The following CDH5 variants were observed in gnomAD, a reference collection of about 807,000 sequenced individuals.
The protein encoded by CDH5 is cadherin-5.
A neutral mutation model predicts 62.0 loss-of-function variants in CDH5; 28 were observed. The ratio of observed to expected loss-of-function variants is 0.45; its 90% CI spans 0.33 to 0.62. The LOEUF is 0.62. Ranked by LOEUF, CDH5 falls within the 20% of genes least tolerant of loss-of-function variation. The pLI is 0.02. For synonymous variants in CDH5, 464 were observed against 445.8 expected, an observed-to-expected ratio of 1.04 and a Z score of -0.52; for missense variants, 940 against 1,065.1, an observed-to-expected ratio of 0.88 and a Z score of 1.63.
chr16:66,369,536 G>A (rs995774179), intron 1 of CDH5, among the ~76,000 whole-genome samples: 2 of 152,174 alleles, frequency 1.3e-5, no homozygotes, highest in African/African-American at 4.8e-5. Flanking sequence ...CAGCTGGGCA[G>A]GTTCAAATAG....
intron 7 of CDH5, among the ~76,000 whole-genome samples, chr16:66,394,306 C>G (rs562480573): frequency 9.2e-5 from 14 of 152,104 alleles, no homozygotes; most frequent in Non-Finnish European, 1.5e-4. Context: ...TATTCATATA[C>G]GCCTAATGCA....
intron 6 of CDH5, among the ~76,000 whole-genome samples, chr16:66,391,145 C>G (rs189796058): frequency 1.3e-5 from 2 of 152,260 alleles, no homozygotes; most frequent in African/African-American, 4.8e-5. Context: ...ATAAAAAATG[C>G]CTCTGGAATG....
rs770201110 is a variant in CDH5 at position 66,403,014 on chromosome 16, G to A, written c.2200G>A (p.Glu734Lys). The A allele has an allele frequency of 1.9e-6, 3 of 1,613,170 alleles. No homozygotes were observed. The highest frequency in any genetic ancestry group is 8.5e-7 in the Non-Finnish European group (1 of 1,179,768). The change falls in exon 12 of 12, where the codon GAG (glutamate) becomes AAG (lysine). Residue 734 changes from glutamate (E) to lysine (K), a missense_variant. Glu to Lys is a moderately conservative substitution (Grantham distance 56). Transcript: ENST00000341529. This position sits in a 1 kb window ranked among gnomAD's most constrained non-coding sequence, Gnocchi z 4.3. The stretch of plus-strand genomic sequence containing the variant: ...CGACACGCTGCACATCTACGGCTAC[G>A]AGGGCTCCGAGTCCATAGCCGAGTC... ...PYDTLHIYGY[E>K]GSESIAESLS...
chr16:66,367,544 G>A (rs1960609728), intron 1 of CDH5, among the ~76,000 whole-genome samples: 1 of 152,256 alleles, frequency 6.6e-6, no homozygotes, highest in African/African-American at 2.4e-5. Flanking sequence ...CCTGGAGACA[G>A]CTGCCCTGGG....
intron 7 of CDH5, 132 bp downstream of exon 7, chr16:66,392,515 C>T: frequency 1.5e-6 from 2 of 1,292,134 alleles, no homozygotes; most frequent in Non-Finnish European, 2.1e-6. Context: ...GTGACAGAGG[C>T]AAGACCAGAA....
chr16:66,403,699 A>C lies in CDH5; in HGVS notation c.*530A>C. ...AGCCCTAGCCCTGCTCCAACTCCAT[A>C]CTCCACTCCAAGTGCCCCACCACTC... On this transcript the variant is annotated 3_prime_UTR_variant, in exon 12 of 12. Coordinates refer to ENST00000341529, the MANE Select transcript of CDH5 (RefSeq NM_001795.5). This position sits in a 1 kb window ranked among gnomAD's most constrained non-coding sequence, Gnocchi z 4.3. The C allele has an allele frequency of 3.2e-5, 5 of 157,686 alleles. No homozygotes were observed. Among genetic ancestry groups the C allele is most frequent in the Admixed American group, 1.2e-4 (2 of 16,746 alleles). 9.8% of individuals were successfully genotyped at this position (157,686 alleles called of 1,614,324 possible).
intron 10 of CDH5, 135 bp from the exon 11 acceptor site, chr16:66,400,636 C>T (rs946382966): frequency 1.1e-4 from 108 of 968,184 alleles, no homozygotes; most frequent in Non-Finnish European, 1.6e-4. Flanking sequence ...AAACAAGAGG[C>T]GCTGGGTGCA....
chr16:66,395,718 C>T (rs1596944438), intron 7 of CDH5: 2 of 184,162 alleles, frequency 1.1e-5, no homozygotes, highest in Non-Finnish European at 2.2e-5. Context: ...TTTTGTATTC[C>T]TTCCTGGCTC....
At chr16:66,388,221 G>A in intron 3 of CDH5, 103 bp from the exon 4 acceptor site, 1 of 730,876 alleles carries the variant, frequency 1.4e-6, no homozygotes, top group Non-Finnish European at 2.4e-6. Context: ...ACCTGGGGGA[G>A]GTGGGGACAG....
chr16:66,375,959 A>T (rs1960778739), intron 1 of CDH5, among the ~76,000 whole-genome samples: 1 of 152,004 alleles, frequency 6.6e-6, no homozygotes, highest in Non-Finnish European at 1.5e-5. Flanking sequence ...ATACAAAAAA[A>T]AATTGGCCGG....
intron 1 of CDH5, among the ~76,000 whole-genome samples, chr16:66,369,345 C>A (rs995742933): frequency 4.6e-5 from 7 of 152,098 alleles, no homozygotes; most frequent in Non-Finnish European, 1.0e-4. Flanking sequence ...CTGGAGAGGG[C>A]GGGTAGATAG....
intron 7 of CDH5, chr16:66,395,501 T>TTA (rs1961164511): frequency 9.0e-6 from 1 of 111,154 alleles, no homozygotes. Flanking sequence ...AACTTTTCTT[T>TTA]TCTTTTTTTT....
chr16:66,400,801 G>T lies in CDH5; in HGVS notation c.1622G>T (p.Gly541Val), dbSNP rs369980108. ...ACGGCCAACATCACAGTCAAGTATG[G>T]GCAGTTTGACCGGGAGCATACCAAG... is the stretch of plus-strand genomic sequence containing the variant. ...DNTANITVKY[G>V]QFDREHTKVH... is the part of the protein sequence containing the mutation. The change falls in exon 11 of 12, where the codon GGG (glycine) becomes GTG (valine). Residue 541 changes from glycine to valine, a missense_variant. Gly to Val is a moderately radical substitution (Grantham distance 109). Coordinates refer to ENST00000341529, the MANE Select transcript of CDH5 (RefSeq NM_001795.5). 15 of 1,614,078 alleles carry T rather than the reference G, an allele frequency of 9.3e-6. No homozygotes were observed. Among genetic ancestry groups the T allele is most frequent in the Non-Finnish European group, 1.3e-5 (15 of 1,180,034 alleles).
chr16:66,395,956 TG>T, intron 7 of CDH5, 102 bp from the exon 8 acceptor site: 2 of 1,164,556 alleles, frequency 1.7e-6, no homozygotes, highest in East Asian at 2.4e-5. Flanking sequence ...GGGCATGGAG[TG>T]GGATGCAGGG....
intron 1 of CDH5, among the ~76,000 whole-genome samples, chr16:66,368,101 GCGTGGA>G (rs1367937823): frequency 6.6e-6 from 1 of 152,194 alleles, no homozygotes; most frequent in Non-Finnish European, 1.5e-5. Context: ...TCCCTCCCCA[GCGTGGA>G]CGTTTCTCAT....
intron 1 of CDH5, among the ~76,000 whole-genome samples, chr16:66,375,870 G>A (rs892851437): frequency 6.6e-6 from 1 of 151,840 alleles, no homozygotes; most frequent in Non-Finnish European, 1.5e-5. Context: ...CACTTTGGGA[G>A]GCTGACGCGG....
In CDH5 at chr16:66,399,559, G is replaced by A. The variant is rs549264145; in HGVS notation, c.1591+998G>A. ...TCCTTAAGGAGACTCCTGTGGGATGGAGAAGGTGGCCCTGATGTGTTGACA... is the reference window on the plus strand; with the variant it reads ...TCCTTAAGGAGACTCCTGTGGGATGAAGAAGGTGGCCCTGATGTGTTGACA... On this transcript the variant is annotated intron_variant, in intron 10 of 11. Coordinates refer to ENST00000341529, the MANE Select transcript of CDH5 (RefSeq NM_001795.5). 8.3e-4 allele frequency among the ~76,000 whole-genome samples: 126 copies of A among 152,316 alleles called. 1 individual carries two copies. The highest frequency in any genetic ancestry group is 3.4e-3 in the Middle Eastern group (1 of 294).
intron 1 of CDH5, among the ~76,000 whole-genome samples, chr16:66,377,951 A>C (rs1026491451): frequency 1.3e-5 from 2 of 152,186 alleles, no homozygotes; most frequent in African/African-American, 4.8e-5. Context: ...CAGGGCTTGC[A>C]CTTCAAAGGG....
At chr16:66,397,118 T>C (rs940155577) in intron 8 of CDH5, among the ~76,000 whole-genome samples, 5 of 152,250 alleles carry the variant, frequency 3.3e-5, no homozygotes, top group African/African-American at 1.2e-4. Context: ...ATACATATTT[T>C]TATACTTACA....
Sources: gnomAD v4.1 joint callset for allele counts (sites outside exome capture counted in the v4.1 genomes callset) on GRCh38, gnomAD v4.1.1 for gene constraint, Gnocchi (gnomAD v3.1) non-coding constraint, MANE v1.5 for transcripts, NCBI Gene and HGNC (gene_info 2026-07-23, HGNC 2026-07-21) for gene names.